NRXN3: variants seen among roughly 807,000 people sequenced by gnomAD.
The protein encoded by NRXN3 is neurexin 3.
Under a neutral mutation model 137.6 loss-of-function variants are expected in NRXN3, and 32 were observed. That is an observed-to-expected ratio of 0.23 (90% CI 0.18 to 0.31). The LOEUF (loss-of-function observed/expected upper bound fraction) is 0.31, where lower values mean the gene tolerates loss of function less well. Among genes scored for constraint, NRXN3 ranks in the 10% least tolerant of loss-of-function variants. The probability of loss-of-function intolerance (pLI) is 1.00; values close to 1 mark genes in which losing one functional copy is unlikely to be tolerated. For missense variants in NRXN3, 1,574 were observed against 2,062.5 expected (o/e 0.76, Z 4.59); for synonymous variants, 798 against 784.5 (o/e 1.02, Z -0.29).
intron 4 of NRXN3, among the ~76,000 whole-genome samples, chr14:78,356,424 C>T (rs1287232938): frequency 1.3e-5 from 2 of 152,242 alleles, no homozygotes; most frequent in African/African-American, 2.4e-5. Flanking sequence ...TTTCCTCAAT[C>T]CTAGAAAGGA....
At chr14:79,157,269 T>A (rs1224414921) in intron 15 of NRXN3, among the ~76,000 whole-genome samples, 3 of 151,818 alleles carry the variant, frequency 2.0e-5, no homozygotes, top group African/African-American at 4.8e-5. Flanking sequence ...TTCACTTTGA[T>A]TTCAGCATTG....
chr14:78,304,517 G>C (rs916281643), intron 4 of NRXN3, among the ~76,000 whole-genome samples: 2 of 152,198 alleles, frequency 1.3e-5, no homozygotes, highest in Admixed American at 6.5e-5. Flanking sequence ...CTCACACAGA[G>C]GACTTCAGCA....
intron 4 of NRXN3, among the ~76,000 whole-genome samples, chr14:78,626,487 A>G (rs1260119453): frequency 6.6e-6 from 1 of 152,172 alleles, no homozygotes; most frequent in African/African-American, 2.4e-5. Flanking sequence ...AATACATATA[A>G]TTTTTGACTT....
At chr14:78,661,202 G>A (rs1327697259) in intron 6 of NRXN3, among the ~76,000 whole-genome samples, 1 of 152,140 alleles carries the variant, frequency 6.6e-6, no homozygotes, top group African/African-American at 2.4e-5. Flanking sequence ...GCAGAGAAAA[G>A]AGTGATCAAT....
intron 15 of NRXN3, among the ~76,000 whole-genome samples, chr14:79,400,953 T>C (rs2095176089): frequency 6.6e-6 from 1 of 152,172 alleles, no homozygotes; most frequent in Non-Finnish European, 1.5e-5. Flanking sequence ...AGGGTAAATG[T>C]AGGACTCTGA....
intron 10 of NRXN3, among the ~76,000 whole-genome samples, chr14:78,898,423 A>G (rs927077563): frequency 6.6e-6 from 1 of 151,932 alleles, no homozygotes; most frequent in African/African-American, 2.4e-5. Context: ...TGATGATACG[A>G]ATTGTGTTGG....
At chr14:78,886,284 T>C (rs915066856) in intron 10 of NRXN3, among the ~76,000 whole-genome samples, 1 of 152,052 alleles carries the variant, frequency 6.6e-6, no homozygotes, top group Non-Finnish European at 1.5e-5. Flanking sequence ...AGCAATCAAA[T>C]AAAAAGAAAT....
At chr14:78,906,937 T>C (rs896160177) in intron 10 of NRXN3, among the ~76,000 whole-genome samples, 1 of 151,972 alleles carries the variant, frequency 6.6e-6, no homozygotes, top group African/African-American at 2.4e-5. Context: ...GAGCAATAAC[T>C]GCAGCCAACA....
At chr14:78,468,203 A>G (rs1457884600) in intron 4 of NRXN3, among the ~76,000 whole-genome samples, 1 of 152,164 alleles carries the variant, frequency 6.6e-6, no homozygotes, top group Middle Eastern at 3.4e-3. Flanking sequence ...TCAGTTGGCT[A>G]TTGCTGTGTC....
rs1567645300 is a variant in NRXN3, at chr14:78,456,859, C to CTTTCTTTCTTTCTTTCTTTTTCTCTT, written c.757+159000_757+159001insTTCTTTCTTTCTTTCTTTTTCTCTTT. On this transcript the variant is annotated intron_variant, in intron 4 of 20. Coordinates refer to ENST00000335750, the MANE Select transcript of NRXN3 (RefSeq NM_001330195.2). Reference sequence around the variant, plus strand: ...TTTCTTTCTTTCTTTCTTTCTTTTTCTCTTTCTTTCTTTCTTTCTTTCCTT... The same window carrying CTTTCTTTCTTTCTTTCTTTTTCTCTT: ...TTTCTTTCTTTCTTTCTTTCTTTTTCTTTCTTTCTTTCTTTCTTTTTCTCTTTCTTTCTTTCTTTCTTTCTTTCCTT... Among the ~76,000 whole-genome samples the CTTTCTTTCTTTCTTTCTTTTTCTCTT allele has an allele frequency of 6.2e-5, 5 of 81,296 alleles. No individual in the cohort carries two copies. The East Asian group carries it at 1.2e-3, about 19-fold the overall frequency. The allele number at this position is 81,296 out of a possible 152,430, so 53.3% of individuals were successfully genotyped here. A position where few individuals can be genotyped will look rare whatever the true frequency, so the allele number is the denominator to read the frequency against.
intron 16 of NRXN3, among the ~76,000 whole-genome samples, chr14:79,495,822 G>A (rs142291976): frequency 0.015 from 2,299 of 151,736 alleles, 31 homozygotes; most frequent in Non-Finnish European, 0.024. Flanking sequence ...TACAATGATG[G>A]TGTTATTCCA....
chr14:79,064,339 G>A (rs2099677988), intron 15 of NRXN3, among the ~76,000 whole-genome samples: 1 of 152,078 alleles, frequency 6.6e-6, no homozygotes, highest in Non-Finnish European at 1.5e-5. Flanking sequence ...ACTGCAAGTG[G>A]TATAGAGGTT....
At chr14:78,472,679 C>G (rs1274564783) in intron 4 of NRXN3, among the ~76,000 whole-genome samples, 3 of 152,134 alleles carry the variant, frequency 2.0e-5, no homozygotes, top group Admixed American at 1.3e-4. Flanking sequence ...CTCACTGTTC[C>G]TCCTTAAAAG....
At chr14:79,792,454 T>A (rs2099148251) in intron 19 of NRXN3, among the ~76,000 whole-genome samples, 1 of 152,222 alleles carries the variant, frequency 6.6e-6, no homozygotes, top group African/African-American at 2.4e-5. Flanking sequence ...TATTTAGTTA[T>A]TTTTTGCTCA....
intron 4 of NRXN3, among the ~76,000 whole-genome samples, chr14:78,552,118 T>C (rs1266309193): frequency 6.6e-6 from 1 of 152,152 alleles, no homozygotes; most frequent in East Asian, 1.9e-4. Context: ...AAGATTTGGA[T>C]TTCAGTCCTA....
chr14:79,750,576 G>T (rs1343375327), intron 19 of NRXN3, among the ~76,000 whole-genome samples: 1 of 152,148 alleles, frequency 6.6e-6, no homozygotes, highest in Non-Finnish European at 1.5e-5. Flanking sequence ...GGTCACAAAA[G>T]CTAAGTCAAC....
intron 15 of NRXN3, among the ~76,000 whole-genome samples, chr14:79,301,726 G>T (rs1474483325): frequency 2.0e-5 from 3 of 151,538 alleles, no homozygotes; most frequent in Non-Finnish European, 4.4e-5. Flanking sequence ...GTATGTATTT[G>T]TGGGGTGTGT....
At chr14:79,308,365 A>G (rs780333980) in intron 15 of NRXN3, among the ~76,000 whole-genome samples, 48 of 152,104 alleles carry the variant, frequency 3.2e-4, no homozygotes, top group Non-Finnish European at 1.9e-4. Flanking sequence ...TTAAGAGTTA[A>G]CTGCCTGCCT....
At chr14:79,685,828 G>A (rs1427599506) in intron 17 of NRXN3, among the ~76,000 whole-genome samples, 1 of 152,142 alleles carries the variant, frequency 6.6e-6, no homozygotes, top group African/African-American at 2.4e-5. Context: ...TTTTTGATTT[G>A]TTTAGGATAT....
Sources: gnomAD v4.1 joint callset for allele counts (sites outside exome capture counted in the v4.1 genomes callset) on GRCh38, gnomAD v4.1.1 for gene constraint, MANE v1.5 for transcripts, NCBI Gene and HGNC (gene_info 2026-07-23, HGNC 2026-07-21) for gene names.